Variants in KIF13A observed in about 807,000 individuals in gnomAD.
KIF13A encodes the protein kinesin family member 13A, also known as kinesin-like protein KIF13A.
KIF13A carries 79 observed loss-of-function variants against 212.2 expected under a neutral mutation model. The ratio of observed to expected loss-of-function variants is 0.37; its 90% CI spans 0.31 to 0.45. The LOEUF (loss-of-function observed/expected upper bound fraction) is 0.45, where lower values mean the gene tolerates loss of function less well. Ranked by LOEUF, KIF13A falls within the 20% of genes least tolerant of loss-of-function variation. KIF13A has a pLI of 1.00. For missense variants in KIF13A, 1,901 were observed against 2,209.0 expected (o/e 0.86, Z 2.79); for synonymous variants, 789 against 808.6 (o/e 0.98, Z 0.41).
chr6:17,944,633 G>A (rs903979220), intron 2 of KIF13A, among the ~76,000 whole-genome samples: 6 of 151,638 alleles, frequency 4.0e-5, no homozygotes, highest in African/African-American at 1.5e-4. Flanking sequence ...AGAAGCCCAG[G>A]GCATAAAACA....
rs751519654 is a variant in KIF13A at position 17,777,399 on chromosome 6, CCAGAGA to C, written c.4093-51_4093-46del. 8 of 1,441,878 alleles carry C rather than the reference CCAGAGA, an allele frequency of 5.5e-6. No homozygotes were observed. In the African/African-American group the frequency reaches 8.6e-5, roughly 15 times the overall value. 89.3% of individuals were successfully genotyped at this position (1,441,878 alleles called of 1,614,324 possible). A position where few individuals can be genotyped will look rare whatever the true frequency, so the allele number is the denominator to read the frequency against. ...AAAATAACACTTTTTTTTTTTTTCC[CCAGAGA>C]CAGAGTCTCACTCTGTTGCCCAGGC... On this transcript the variant is annotated intron_variant, in intron 33 of 38. Coordinates refer to ENST00000259711, the MANE Select transcript of KIF13A (RefSeq NM_022113.6). This position sits in a 1 kb window ranked among gnomAD's most constrained non-coding sequence, Gnocchi z 4.4.
chr6:17,777,383 C>CA lies in KIF13A; in HGVS notation c.4093-30_4093-29insT. 4 of 1,319,614 alleles carry CA rather than the reference C, an allele frequency of 3.0e-6. No homozygotes were observed. Among genetic ancestry groups the CA allele is most frequent in the Non-Finnish European group, 3.1e-6 (3 of 952,776 alleles). The allele number at this position is 1,319,614 out of a possible 1,614,324, so 81.7% of individuals were successfully genotyped here. ...TAAACATAATAATTTGAAAATAACA[C>CA]TTTTTTTTTTTTTCCCCAGAGACAG... On this transcript the variant is annotated intron_variant, in intron 33 of 38. Transcript: ENST00000259711. The surrounding 1 kb of genome is among the most constrained non-coding windows in gnomAD (Gnocchi z 4.4).
At chr6:17,978,991 A>T (rs1299248582) in intron 2 of KIF13A, among the ~76,000 whole-genome samples, 1 of 152,230 alleles carries the variant, frequency 6.6e-6, no homozygotes, top group Non-Finnish European at 1.5e-5. Context: ...GTATGATTTT[A>T]AAAAATTTTC....
intron 4 of KIF13A, among the ~76,000 whole-genome samples, chr6:17,862,772 T>C (rs528819005): frequency 3.6e-4 from 54 of 152,034 alleles, no homozygotes; most frequent in Middle Eastern, 3.4e-3. Flanking sequence ...CATGGTGAAA[T>C]CCCATCTCTA....
intron 2 of KIF13A, among the ~76,000 whole-genome samples, chr6:17,927,647 T>C (rs903215134): frequency 6.6e-6 from 1 of 152,226 alleles, no homozygotes; most frequent in African/African-American, 2.4e-5. Flanking sequence ...TGTACACTTT[T>C]AAACGGCTAA....
In KIF13A at chr6:17,849,442, A is replaced by G. The variant is rs534093026; in HGVS notation, c.765T>C (p.Gly255=). ...CTCCTGTTTTAGATACTCTTTCGCT[A>G]CCCGCCAGGTCTACCAAGCTGACCT... The part of the protein sequence containing the change: ...VSKVSLVDLA[G]SERVSKTGAA... The change falls in exon 9 of 39, where the codon GGT becomes GGC. Residue 255 remains glycine, a synonymous_variant. Coordinates refer to ENST00000259711, the MANE Select transcript of KIF13A (RefSeq NM_022113.6). This position sits in a 1 kb window ranked among gnomAD's most constrained non-coding sequence, Gnocchi z 5.7. The G allele has an allele frequency of 1.9e-6, 3 of 1,613,594 alleles. No individual in the cohort carries two copies. The African/African-American group carries it at 4.0e-5, about 22-fold the overall frequency.
chr6:17,891,775 A>G (rs981085351), intron 3 of KIF13A, among the ~76,000 whole-genome samples: 6 of 152,110 alleles, frequency 3.9e-5, no homozygotes, highest in Admixed American at 3.9e-4. Flanking sequence ...AAAAAAAGAA[A>G]GACACCCAAT....
chr6:17,844,044 CA>C (rs35763673), intron 9 of KIF13A, among the ~76,000 whole-genome samples: 22,789 of 114,758 alleles, frequency 0.2, 1,691 homozygotes, highest in Non-Finnish European at 0.22. Flanking sequence ...GACTCCATCT[CA>C]AAAAAAAAAA....
chr6:17,813,631 T>C (rs1763634735), intron 17 of KIF13A, among the ~76,000 whole-genome samples: 1 of 152,054 alleles, frequency 6.6e-6, no homozygotes, highest in Non-Finnish European at 1.5e-5. Context: ...TTGCGAGCCT[T>C]GCGCTGCAGG....
chr6:17,774,983 C>T lies in KIF13A; in HGVS notation c.4218+32G>A, dbSNP rs754710081. ...CACAACTTTCCAGACTAAGATTCTA[C>T]TAAAAACCTAGCCATGCCCATAGGT... On this transcript the variant is annotated intron_variant, in intron 35 of 38. Coordinates refer to ENST00000259711, the MANE Select transcript of KIF13A (RefSeq NM_022113.6). 17 of 1,581,864 alleles carry T rather than the reference C, an allele frequency of 1.1e-5. No individual in the cohort carries two copies. The South Asian group carries it at 1.4e-4, about 13-fold the overall frequency.
At chr6:17,865,335 A>AAT (rs1554186866) in intron 4 of KIF13A, among the ~76,000 whole-genome samples, 1 of 151,342 alleles carries the variant, frequency 6.6e-6, no homozygotes, top group Non-Finnish European at 1.5e-5. Flanking sequence ...GGAAAAAAAA[A>AAT]AAATAAAGGC....
intron 4 of KIF13A, among the ~76,000 whole-genome samples, chr6:17,866,379 CAT>C (rs1336950278): frequency 2.6e-5 from 4 of 152,084 alleles, no homozygotes; most frequent in Non-Finnish European, 4.4e-5. Flanking sequence ...CCTTAGGAGT[CAT>C]ATTGAATGAC....
chr6:17,849,173 G>A lies in KIF13A; in HGVS notation c.830+204C>T, dbSNP rs1378913299. On this transcript the variant is annotated intron_variant, in intron 9 of 38. Coordinates refer to ENST00000259711, the MANE Select transcript of KIF13A (RefSeq NM_022113.6). The surrounding 1 kb of genome is among the most constrained non-coding windows in gnomAD (Gnocchi z 5.7). Reference sequence around the variant, plus strand: ...CCGCCTTGGCTTCCCAAAGTACTGGGATTACAGGCATGAGCCACCGTGCCT... The same window carrying A: ...CCGCCTTGGCTTCCCAAAGTACTGGAATTACAGGCATGAGCCACCGTGCCT... Among the ~76,000 whole-genome samples the A allele has an allele frequency of 6.6e-6, 1 of 152,128 alleles. No individual in the cohort carries two copies. The highest frequency in any genetic ancestry group is 2.4e-5 in the African/African-American group (1 of 41,438).
intron 2 of KIF13A, among the ~76,000 whole-genome samples, chr6:17,949,854 T>C (rs1402814234): frequency 6.6e-6 from 1 of 152,206 alleles, no homozygotes; most frequent in South Asian, 2.1e-4. Flanking sequence ...TAAACAGAGT[T>C]AAGAGATAAC....
In KIF13A at chr6:17,892,054, G is replaced by A. The variant is rs1352488781; in HGVS notation, c.159+6114C>T. Among the ~76,000 whole-genome samples, 6 of 151,992 alleles carry A rather than the reference G, an allele frequency of 3.9e-5. No homozygotes were observed. On this transcript the variant is annotated intron_variant, in intron 3 of 38. Coordinates refer to ENST00000259711, the MANE Select transcript of KIF13A (RefSeq NM_022113.6). The surrounding 1 kb of genome is among the most constrained non-coding windows in gnomAD (Gnocchi z 4.7). ...TTTGTAAGGCAGAGTCGGCAAATTC[G>A]TATCACCTGCTAAGCATCCTATCAG...
intron 2 of KIF13A, among the ~76,000 whole-genome samples, chr6:17,960,810 A>G (rs1260987689): frequency 6.6e-6 from 1 of 152,228 alleles, no homozygotes; most frequent in Non-Finnish European, 1.5e-5. Flanking sequence ...ACAGCAAAGT[A>G]AAAGTGAAAT....
intron 2 of KIF13A, among the ~76,000 whole-genome samples, chr6:17,911,797 C>A (rs1419584764): frequency 6.8e-6 from 1 of 147,366 alleles, no homozygotes; most frequent in Non-Finnish European, 1.5e-5. Flanking sequence ...CAGATTCTCA[C>A]TATGTAGCCC....
intron 2 of KIF13A, among the ~76,000 whole-genome samples, chr6:17,976,355 C>A (rs897276970): frequency 1.3e-5 from 2 of 152,222 alleles, no homozygotes; most frequent in East Asian, 1.9e-4. Context: ...TAAGGCCCGG[C>A]GAGAAATCGA....
chr6:17,836,991 G>A lies in KIF13A; in HGVS notation c.1042C>T (p.Arg348Ter). ...ETLSTLRYAD[R>*]AKRIVNHAVV... ...GCATGGTTCACAATCCTTTTGGCTC[G>A]GTCTGCATATCTTAATGTGGAGAGG... Residue 348 changes from arginine (R) to a stop codon, truncating the protein, a stop_gained, in exon 11 of 39, where the codon CGA becomes TGA. Coordinates refer to ENST00000259711, the MANE Select transcript of KIF13A (RefSeq NM_022113.6). LOFTEE classifies it high-confidence loss of function. The A allele has an allele frequency of 6.2e-7, 1 of 1,613,846 alleles. No homozygotes were observed. The highest frequency in any genetic ancestry group is 8.5e-7 in the Non-Finnish European group (1 of 1,179,874).
Sources: gnomAD v4.1 joint callset for allele counts (sites outside exome capture counted in the v4.1 genomes callset) on GRCh38, gnomAD v4.1.1 for gene constraint, Gnocchi (gnomAD v3.1) non-coding constraint, MANE v1.5 for transcripts, NCBI Gene and HGNC (gene_info 2026-07-23, HGNC 2026-07-21) for gene names.